SLC8A1: variants seen among roughly 807,000 people sequenced by gnomAD.
SLC8A1 encodes sodium/calcium exchanger 1.
SLC8A1 carries 18 observed loss-of-function variants against 68.3 expected under a neutral mutation model. That is an observed-to-expected ratio of 0.26 (90% CI 0.18 to 0.39). The LOEUF (loss-of-function observed/expected upper bound fraction) is 0.39. SLC8A1 is among the 10% of genes least tolerant of loss of function. The pLI is 1.00. For missense variants in SLC8A1, 985 were observed against 1,156.7 expected, an observed-to-expected ratio of 0.85 and a Z score of 2.15; for synonymous variants, 475 against 415.5, an observed-to-expected ratio of 1.14 and a Z score of -1.74.
At chr2:40,128,790 A>G (rs1033788434) in intron 7 of SLC8A1, among the ~76,000 whole-genome samples, 2 of 152,262 alleles carry the variant, frequency 1.3e-5, no homozygotes, top group African/African-American at 2.4e-5. Context: ...TGTAATTTAC[A>G]AATATATAGA....
At chr2:40,420,435 G>A (rs115770964) in intron 2 of SLC8A1, among the ~76,000 whole-genome samples, 1 of 151,316 alleles carries the variant, frequency 6.6e-6, no homozygotes, top group Non-Finnish European at 1.5e-5. Context: ...AGCCATATAA[G>A]GAAGTTAAAT....
At chr2:40,448,047 T>C (rs993698387) in intron 1 of SLC8A1, among the ~76,000 whole-genome samples, 1 of 152,202 alleles carries the variant, frequency 6.6e-6, no homozygotes, top group Non-Finnish European at 1.5e-5. Context: ...CAATATAGTC[T>C]CTGCAAAGAG....
At chr2:40,462,929 G>A (rs77212287) in intron 1 of SLC8A1, among the ~76,000 whole-genome samples, 2,505 of 151,976 alleles carry the variant, frequency 0.016, 62 homozygotes, top group African/African-American at 0.058. Context: ...AAAATTATTC[G>A]TTCATTCACT....
intron 1 of SLC8A1, among the ~76,000 whole-genome samples, chr2:40,447,093 A>G (rs1701581765): frequency 6.6e-6 from 1 of 152,250 alleles, no homozygotes; most frequent in Non-Finnish European, 1.5e-5. Context: ...TTTTAAAAAA[A>G]TTAAGATGAT....
intron 2 of SLC8A1, among the ~76,000 whole-genome samples, chr2:40,219,138 G>C (rs2057938560): frequency 6.6e-6 from 1 of 152,174 alleles, no homozygotes; most frequent in Non-Finnish European, 1.5e-5. Context: ...CCCAAGTTTT[G>C]TGCCCCTTTC....
At chr2:40,331,719 G>A (rs1319300977) in intron 2 of SLC8A1, among the ~76,000 whole-genome samples, 35 of 151,754 alleles carry the variant, frequency 2.3e-4, no homozygotes, top group Non-Finnish European at 1.3e-4. Context: ...TTAGCCTACC[G>A]AGTAGCTGGG....
chr2:40,287,875 G>A (rs971375456), intron 2 of SLC8A1, among the ~76,000 whole-genome samples: 1 of 152,058 alleles, frequency 6.6e-6, no homozygotes, highest in East Asian at 1.9e-4. Flanking sequence ...CCAAACCCCA[G>A]CTCTGATCAG....
intron 2 of SLC8A1, among the ~76,000 whole-genome samples, chr2:40,386,557 G>A (rs1486541927): frequency 1.3e-5 from 1 of 74,438 alleles, no homozygotes; most frequent in Non-Finnish European, 3.8e-5. Context: ...TGAATAATGG[G>A]ACTACCCTTT....
chr2:40,152,684 G>C (rs992584386), intron 6 of SLC8A1, among the ~76,000 whole-genome samples: 2 of 151,802 alleles, frequency 1.3e-5, no homozygotes, highest in African/African-American at 4.8e-5. Context: ...CCAAAGTGCT[G>C]GGATTACAAG....
chr2:40,100,607 G>A (rs550824991), exon 8 of SLC8A1: 7 of 152,226 alleles, frequency 4.6e-5, no homozygotes, highest in Non-Finnish European at 8.8e-5. Flanking sequence ...GTGTGCAAAT[G>A]AAGATGTACA....
Position 40,463,696 on chromosome 2 carries a change from C to A in SLC8A1, c.-24-33392G>T, listed in dbSNP as rs534823512. 2.6e-5 allele frequency among the ~76,000 whole-genome samples: 4 copies of A among 152,152 alleles called. No homozygotes were observed. In the South Asian group the frequency reaches 8.3e-4, roughly 32 times the overall value. ...AATTGCCACAATGACCAGAATTATC[C>A]ACCAGATTGCTTTTCAGATTGCTTG... On this transcript the variant is annotated intron_variant, in intron 1 of 7. Coordinates refer to the SLC8A1 transcript ENST00000402441.
At chr2:40,463,482 C>A (rs1175153192) in intron 1 of SLC8A1, among the ~76,000 whole-genome samples, 2 of 152,168 alleles carry the variant, frequency 1.3e-5, no homozygotes, top group African/African-American at 2.4e-5. Flanking sequence ...ATTAGCCTTA[C>A]AGTTACTAAA....
In SLC8A1 at chr2:40,375,591, A is replaced by G. The variant is rs1344375840; in HGVS notation, c.1808+52882T>C. ...TCATTACCACAGATAGAATTAAGTA[A>G]AGTTGGCTAAGAGTGGTCTAGTCAA... is the stretch of plus-strand genomic sequence containing the variant. On this transcript the variant is annotated intron_variant, in intron 2 of 7. Coordinates refer to ENST00000406785, the Ensembl canonical transcript of SLC8A1. Among the ~76,000 whole-genome samples the G allele has an allele frequency of 2.6e-5, 4 of 152,126 alleles. No homozygotes were observed. In the South Asian group the frequency reaches 8.3e-4, roughly 32 times the overall value.
intron 2 of SLC8A1, among the ~76,000 whole-genome samples, chr2:40,357,342 T>C (rs558145989): frequency 1.3e-5 from 2 of 151,218 alleles, no homozygotes; most frequent in Non-Finnish European, 3.0e-5. Context: ...ACATTTTTTT[T>C]TTTAATTAGC....
rs979334886 is a variant in SLC8A1, at chr2:40,181,775, C to G, written c.1809-3920G>C. On this transcript the variant is annotated intron_variant, in intron 2 of 7. Transcript: ENST00000406785. ...AGAACAGAACAATTTCTCCCCTTAG[C>G]AAAGGTAGCTGAGGTGAAATAAACC... Among the ~76,000 whole-genome samples, 8 of 152,150 alleles carry G rather than the reference C, an allele frequency of 5.3e-5. 1 individual carries two copies. Among genetic ancestry groups the G allele is most frequent in the Admixed American group, 3.3e-4 (5 of 15,282 alleles).
At position 40,398,832 on chromosome 2, in the gene SLC8A1, C is replaced by A. The variant is rs1314202737; in HGVS notation, c.1808+29641G>T. ...CAGCTCTTCTTCAACTGCTACTACC[C>A]AGTTTGATTGATAAATGACACACTT... On this transcript the variant is annotated intron_variant, in intron 2 of 7. Coordinates refer to ENST00000406785, the Ensembl canonical transcript of SLC8A1. 1.1e-4 allele frequency among the ~76,000 whole-genome samples: 16 copies of A among 152,138 alleles called. No homozygotes were observed. The East Asian group carries it at 3.1e-3, about 29-fold the overall frequency.
At chr2:40,481,690 C>T (rs1576643728) in intron 1 of SLC8A1, among the ~76,000 whole-genome samples, 1 of 152,124 alleles carries the variant, frequency 6.6e-6, no homozygotes, top group South Asian at 2.1e-4. Context: ...TGAAAATACA[C>T]CAACGGAAAA....
intron 2 of SLC8A1, among the ~76,000 whole-genome samples, chr2:40,372,480 G>C (rs1248868347): frequency 1.3e-5 from 2 of 152,098 alleles, no homozygotes; most frequent in Non-Finnish European, 2.9e-5. Context: ...TTTCTTCATA[G>C]ATAATACTAC....
Position 40,121,923 on chromosome 2 carries a change from G to C in SLC8A1, c.2438-6294C>G, listed in dbSNP as rs7606607. 6.1e-3 allele frequency among the ~76,000 whole-genome samples: 930 copies of C among 152,196 alleles called. 11 individuals are homozygous for C. Among genetic ancestry groups the C allele is most frequent in the African/African-American group, 0.021 (889 of 41,544 alleles). Reference sequence around the variant, plus strand: ...TTTCATACAACCAAAGTCATTAAAAGACATTAGAGCTCTTTTGGTTTAGAG... The same window carrying C: ...TTTCATACAACCAAAGTCATTAAAACACATTAGAGCTCTTTTGGTTTAGAG... On this transcript the variant is annotated intron_variant, in intron 7 of 7. Transcript: ENST00000406785.
Sources: allele counts gnomAD v4.1 joint callset (sites outside exome capture counted in the v4.1 genomes callset), GRCh38; gene constraint gnomAD v4.1.1; transcripts MANE v1.5; gene names NCBI Gene and HGNC (gene_info 2026-07-23, HGNC 2026-07-21).